GRID2: variants seen among roughly 807,000 people sequenced by gnomAD.
GRID2 encodes glutamate ionotropic receptor delta type subunit 2, also known as glutamate receptor ionotropic, delta-2.
In GRID2, 33 loss-of-function variants were observed where a neutral mutation model predicts 114.8. That is an observed-to-expected ratio of 0.29 (90% CI 0.22 to 0.38). GRID2 has a LOEUF of 0.38. Among genes scored for constraint, GRID2 ranks in the 10% least tolerant of loss-of-function variants. The probability of loss-of-function intolerance (pLI) is 1.00; values close to 1 mark genes in which losing one functional copy is unlikely to be tolerated. For synonymous variants in GRID2, 505 were observed against 449.9 expected (o/e 1.12, Z -1.55); for missense variants, 1,184 against 1,257.7 (o/e 0.94, Z 0.89).
intron 1 of GRID2, among the ~76,000 whole-genome samples, chr4:92,484,779 T>A (rs1256721732): frequency 6.6e-6 from 1 of 151,746 alleles, no homozygotes; most frequent in Non-Finnish European, 1.5e-5. Flanking sequence ...AGGTTTGACT[T>A]ATGAGGTATG....
intron 13 of GRID2, among the ~76,000 whole-genome samples, chr4:93,516,174 C>G (rs150396682): frequency 4.3e-3 from 648 of 152,198 alleles, no homozygotes; most frequent in South Asian, 7.7e-3. Context: ...TCAGTAATAG[C>G]AGCAATAGTG....
At chr4:92,941,127 A>T (rs566234654) in intron 2 of GRID2, among the ~76,000 whole-genome samples, 7 of 152,318 alleles carry the variant, frequency 4.6e-5, no homozygotes, top group African/African-American at 1.7e-4. Context: ...TGATTGGAAT[A>T]GTTTCAGAAG....
chr4:92,554,264 G>A (rs971149571), intron 1 of GRID2, among the ~76,000 whole-genome samples: 1 of 152,104 alleles, frequency 6.6e-6, no homozygotes, highest in African/African-American at 2.4e-5. Context: ...TAAACCTATA[G>A]TGATGCCGTC....
At chr4:92,882,033 C>A (rs1425766538) in intron 2 of GRID2, among the ~76,000 whole-genome samples, 2 of 152,078 alleles carry the variant, frequency 1.3e-5, no homozygotes, top group Admixed American at 1.3e-4. Flanking sequence ...AGGATTAGAG[C>A]CAGCTGGGGC....
intron 13 of GRID2, among the ~76,000 whole-genome samples, chr4:93,624,345 T>G (rs1303241175): frequency 6.6e-6 from 1 of 152,174 alleles, no homozygotes; most frequent in African/African-American, 2.4e-5. Flanking sequence ...CCATCCTTTT[T>G]TGCATAGGAT....
At chr4:93,294,914 A>C (rs1291607374) in intron 8 of GRID2, among the ~76,000 whole-genome samples, 1 of 150,242 alleles carries the variant, frequency 6.7e-6, no homozygotes, top group Non-Finnish European at 1.5e-5. Context: ...ACTTTCAAAA[A>C]TAGAGTTCCT....
chr4:92,901,606 A>G (rs932237042), intron 2 of GRID2, among the ~76,000 whole-genome samples: 1 of 152,040 alleles, frequency 6.6e-6, no homozygotes, highest in African/African-American at 2.4e-5. Flanking sequence ...TTCTTCTAGA[A>G]TATTTATAGT....
At chr4:92,370,550 C>G (rs1729071592) in intron 1 of GRID2, among the ~76,000 whole-genome samples, 1 of 152,074 alleles carries the variant, frequency 6.6e-6, no homozygotes, top group African/African-American at 2.4e-5. Context: ...CTCAGGGAGG[C>G]TGAGGCAGAA....
At chr4:93,644,646 C>T (rs945298626) in intron 14 of GRID2, among the ~76,000 whole-genome samples, 1 of 152,042 alleles carries the variant, frequency 6.6e-6, no homozygotes, top group Non-Finnish European at 1.5e-5. Flanking sequence ...TATTAATTTC[C>T]TCTTTTCTGC....
intron 8 of GRID2, among the ~76,000 whole-genome samples, chr4:93,320,314 T>C (rs950025112): frequency 6.6e-6 from 1 of 152,164 alleles, no homozygotes; most frequent in East Asian, 1.9e-4. Context: ...TAGAGAGTCA[T>C]AAAAGATAAG....
chr4:93,620,031 G>A (rs554593469), intron 13 of GRID2, among the ~76,000 whole-genome samples: 1 of 152,134 alleles, frequency 6.6e-6, no homozygotes, highest in East Asian at 1.9e-4. Context: ...CAAATCTACC[G>A]CAAATCATTG....
At chr4:92,675,177 A>C (rs974919399) in intron 2 of GRID2, among the ~76,000 whole-genome samples, 1 of 152,140 alleles carries the variant, frequency 6.6e-6, no homozygotes, top group Non-Finnish European at 1.5e-5. Flanking sequence ...TCTGCTTCTA[A>C]GTGTGGCACT....
At chr4:92,652,056 A>C (rs1462218312) in intron 2 of GRID2, among the ~76,000 whole-genome samples, 1 of 152,114 alleles carries the variant, frequency 6.6e-6, no homozygotes, top group Non-Finnish European at 1.5e-5. Flanking sequence ...CCTCAGGATC[A>C]ATCACATACG....
At chr4:93,200,332 C>A (rs531592069) in intron 4 of GRID2, among the ~76,000 whole-genome samples, 49 of 152,148 alleles carry the variant, frequency 3.2e-4, no homozygotes, top group Admixed American at 5.9e-4. Context: ...TTTGGGAGGC[C>A]GAGGCGGGCG....
rs571989872 is a variant in GRID2 at position 92,443,224 on chromosome 4, T to C, written c.88+138480T>C. On this transcript the variant is annotated intron_variant, in intron 1 of 15. Coordinates refer to ENST00000282020, the MANE Select transcript of GRID2 (RefSeq NM_001510.4). ...CACCTCAGACCGTTTGCCTATTTTA[T>C]GACAAGAATTATTTAGATCTTGCAG... Among the ~76,000 whole-genome samples the C allele has an allele frequency of 3.4e-3, 510 of 150,816 alleles. 4 individuals carry two copies. Among genetic ancestry groups the C allele is most frequent in the African/African-American group, 0.011 (452 of 40,178 alleles).
At chr4:92,960,175 T>C (rs1752708592) in intron 2 of GRID2, among the ~76,000 whole-genome samples, 1 of 152,084 alleles carries the variant, frequency 6.6e-6, no homozygotes, top group Non-Finnish European at 1.5e-5. Flanking sequence ...ATATGTTTTA[T>C]GGCCCAGAAT....
chr4:93,115,549 G>A (rs920735019), intron 4 of GRID2, among the ~76,000 whole-genome samples: 2 of 151,980 alleles, frequency 1.3e-5, no homozygotes, highest in African/African-American at 4.8e-5. Flanking sequence ...AATATCTAAT[G>A]GTTATATAAT....
intron 2 of GRID2, among the ~76,000 whole-genome samples, chr4:93,047,506 T>C (rs1458339458): frequency 6.8e-6 from 1 of 147,810 alleles, no homozygotes; most frequent in African/African-American, 2.5e-5. Context: ...ATATTTGGAC[T>C]GCAGTGCCAT....
chr4:93,455,572 TA>T, intron 10 of GRID2, 89 bp from the exon 11 acceptor site: 1 of 749,478 alleles, frequency 1.3e-6, no homozygotes, highest in East Asian at 2.5e-5. Context: ...CTGAGGCATC[TA>T]TTTTTTTTTC....
Sources: gnomAD v4.1 joint callset for allele counts (sites outside exome capture counted in the v4.1 genomes callset) on GRCh38, gnomAD v4.1.1 for gene constraint, MANE v1.5 for transcripts, NCBI Gene and HGNC (gene_info 2026-07-23, HGNC 2026-07-21) for gene names.